The following SH3BP5 variants were observed in gnomAD, a reference collection of about 807,000 sequenced individuals.
The protein encoded by SH3BP5 is SH3 domain-binding protein 5.
In SH3BP5, 22 loss-of-function variants were observed where a neutral mutation model predicts 43.3. The observed-to-expected ratio is 0.51, with a 90% confidence interval of 0.36 to 0.73. The LOEUF (loss-of-function observed/expected upper bound fraction) is 0.73. SH3BP5 is among the 30% of genes least tolerant of loss of function. SH3BP5 has a pLI of 0.00. For missense variants in SH3BP5, 529 were observed against 586.9 expected (o/e 0.90, Z 1.02); for synonymous variants, 255 against 225.8 (o/e 1.13, Z -1.16).
chr3:15,287,136 A>C (rs1481031798), intron 3 of SH3BP5, among the ~76,000 whole-genome samples: 1 of 152,252 alleles, frequency 6.6e-6, no homozygotes, highest in East Asian at 1.9e-4. Flanking sequence ...TGCAAGGAAT[A>C]AGTGAGTTAA....
intron 3 of SH3BP5, among the ~76,000 whole-genome samples, chr3:15,294,330 T>C (rs78516470): frequency 0.44 from 52,826 of 121,228 alleles, 11,434 homozygotes; most frequent in Non-Finnish European, 0.5. Flanking sequence ...TGTGTGTGTG[T>C]GCGCGCGCAT....
chr3:15,259,368 AGTG>A (rs1181238415), intron 6 of SH3BP5: 1 of 520,626 alleles, frequency 1.9e-6, no homozygotes, highest in Non-Finnish European at 3.5e-6. Flanking sequence ...TTCCCAGTAC[AGTG>A]GTTCTCAAAG....
chr3:15,333,856 G>A (rs1414528483), upstream of SH3BP5, among the ~76,000 whole-genome samples: 1 of 152,180 alleles, frequency 6.6e-6, no homozygotes, highest in African/African-American at 2.4e-5. Context: ...TCTGTGAGAG[G>A]TGCTTCAAAG....
intron 3 of SH3BP5, among the ~76,000 whole-genome samples, chr3:15,294,326 T>TGC (rs1553616731): frequency 6.4e-5 from 8 of 124,936 alleles, no homozygotes; most frequent in South Asian, 4.9e-4. Context: ...TGTGTGTGTG[T>TGC]GTGTGCGCGC....
chr3:15,289,361 C>A (rs1428159388), intron 3 of SH3BP5, among the ~76,000 whole-genome samples: 2 of 152,190 alleles, frequency 1.3e-5, no homozygotes, highest in Non-Finnish European at 2.9e-5. Flanking sequence ...ACATATATCC[C>A]TTCCTCATTT....
intron 3 of SH3BP5, among the ~76,000 whole-genome samples, chr3:15,284,103 A>T (rs1697201399): frequency 6.6e-6 from 1 of 152,118 alleles, no homozygotes; most frequent in Non-Finnish European, 1.5e-5. Context: ...TATATTATCT[A>T]TTAAGTTTGA....
intron 2 of SH3BP5, among the ~76,000 whole-genome samples, chr3:15,310,350 C>G (rs548311054): frequency 1.3e-5 from 2 of 152,214 alleles, no homozygotes; most frequent in Admixed American, 6.5e-5. Context: ...GAATTTAGTT[C>G]AACCTAGCTT....
intron 3 of SH3BP5, 40 bp downstream of exon 3, chr3:15,304,063 G>A (rs747367344): frequency 6.4e-7 from 1 of 1,561,790 alleles, no homozygotes; most frequent in Non-Finnish European, 8.8e-7. Context: ...GAGGGGTAGT[G>A]AGGCTCGAGG....
intron 2 of SH3BP5, among the ~76,000 whole-genome samples, chr3:15,306,054 T>TAA (rs60186514): frequency 7.3e-6 from 1 of 137,032 alleles, no homozygotes; most frequent in Admixed American, 7.2e-5. Context: ...TGCATGAGTT[T>TAA]AAAAAAAAAA....
At chr3:15,333,344 G>A, upstream of SH3BP5, 1 of 887,886 alleles carries the variant, frequency 1.1e-6, no homozygotes, top group Non-Finnish European at 1.3e-6. Context: ...GATGACCTTG[G>A]CAAAGCAGAT....
intron 3 of SH3BP5, among the ~76,000 whole-genome samples, chr3:15,281,985 G>A (rs919387202): frequency 2.0e-5 from 3 of 151,998 alleles, no homozygotes; most frequent in African/African-American, 4.8e-5. Context: ...CCAGCATGAG[G>A]TGACAAGAGC....
chr3:15,323,763 A>C (rs1376381287), intron 2 of SH3BP5, among the ~76,000 whole-genome samples: 1 of 152,186 alleles, frequency 6.6e-6, no homozygotes, highest in African/African-American at 2.4e-5. Flanking sequence ...ATTTTAAAGA[A>C]GAAGAAATTG....
chr3:15,331,661 C>T (rs1195122262), intron 1 of SH3BP5: 5 of 152,292 alleles, frequency 3.3e-5, no homozygotes, highest in African/African-American at 1.2e-4. Flanking sequence ...CCCAACCTCA[C>T]AACAAGGAAA....
intron 5 of SH3BP5, among the ~76,000 whole-genome samples, chr3:15,261,517 G>A (rs761385887): frequency 2.0e-5 from 3 of 152,190 alleles, no homozygotes; most frequent in Non-Finnish European, 2.9e-5. Flanking sequence ...TGCACAGCCT[G>A]CTCTGGGTCT....
chr3:15,265,259 T>C (rs1696591680), intron 4 of SH3BP5, among the ~76,000 whole-genome samples: 1 of 152,116 alleles, frequency 6.6e-6, no homozygotes, highest in African/African-American at 2.4e-5. Context: ...CTCATGCCTG[T>C]AATCCCAGCA....
At chr3:15,293,017 A>G (rs141774923) in intron 3 of SH3BP5, among the ~76,000 whole-genome samples, 2 of 152,310 alleles carry the variant, frequency 1.3e-5, no homozygotes, top group Non-Finnish European at 2.9e-5. Context: ...GCTGCAACAC[A>G]TCTCCTTCCT....
At chr3:15,272,589 G>GGAGATTCGATGATACCTCA (rs1559432715) in intron 3 of SH3BP5, among the ~76,000 whole-genome samples, 3 of 108,410 alleles carry the variant, frequency 2.8e-5, no homozygotes, top group Non-Finnish European at 3.2e-5. Flanking sequence ...AGTGCCTGTA[G>GGAGATTCGATGATACCTCA]GATAAAGACA....
In SH3BP5 at chr3:15,256,188, A is replaced by C; in HGVS notation, c.1266T>G (p.Pro422=). 6.2e-7 allele frequency: 1 copy of C among 1,614,134 alleles called. No individual in the cohort carries two copies. The highest frequency in any genetic ancestry group is 8.5e-7 in the Non-Finnish European group (1 of 1,179,992). The change falls in exon 9 of 9, where the codon CCT becomes CCG. Residue 422 remains proline (P), a synonymous_variant. Transcript: ENST00000383791. ...GSSKSQSSTS[P]EGQALENRMK... is the part of the protein sequence containing the mutation. ...TCCGGTTCTCCAAGGCCTGGCCCTC[A>C]GGGGAGGTGCTGCTTTGGCTCTTAC...
intron 3 of SH3BP5, among the ~76,000 whole-genome samples, chr3:15,294,072 C>T (rs1456138862): frequency 1.7e-5 from 2 of 119,566 alleles, no homozygotes; most frequent in South Asian, 2.7e-4. Flanking sequence ...AGCAAGTCTC[C>T]ATCTCAAAAA....
Sources: gnomAD v4.1 joint callset for allele counts (sites outside exome capture counted in the v4.1 genomes callset) on GRCh38, gnomAD v4.1.1 for gene constraint, MANE v1.5 for transcripts, NCBI Gene and HGNC (gene_info 2026-07-23, HGNC 2026-07-21) for gene names.